CTDSPL: variants seen among roughly 807,000 people sequenced by gnomAD.
The protein encoded by CTDSPL is CTD small phosphatase-like protein.
CTDSPL carries 8 observed loss-of-function variants against 30.5 expected under a neutral mutation model. The observed-to-expected ratio is 0.26, with a 90% CI of 0.15 to 0.47. The LOEUF (loss-of-function observed/expected upper bound fraction) is 0.47. Among genes scored for constraint, CTDSPL ranks in the 20% least tolerant of loss-of-function variants. The pLI is 0.99. For synonymous variants in CTDSPL, 110 were observed against 137.9 expected (o/e 0.80, Z 1.42); for missense variants, 248 against 366.1 (o/e 0.68, Z 2.63).
chr3:37,970,732 C>T (rs1291115517), intron 5 of CTDSPL, among the ~76,000 whole-genome samples: 1 of 152,220 alleles, frequency 6.6e-6, no homozygotes, highest in Non-Finnish European at 1.5e-5. Context: ...AAAGGCTACT[C>T]TTTGCACCCC....
chr3:37,891,196 C>G lies in CTDSPL; in HGVS notation c.79+28918C>G, dbSNP rs1194928319. Among the ~76,000 whole-genome samples, 3 of 152,162 alleles carry G rather than the reference C, an allele frequency of 2.0e-5. No individual in the cohort carries two copies. The East Asian group carries it at 5.8e-4, about 29-fold the overall frequency. On this transcript the variant is annotated intron_variant, in intron 1 of 7. Coordinates refer to ENST00000273179, the MANE Select transcript of CTDSPL (RefSeq NM_001008392.2). ...TTTCCTTCCATCCCTACCCGTTACC[C>G]AGGGAGTGACCTTTCCATACATCAC...
intron 1 of CTDSPL, among the ~76,000 whole-genome samples, chr3:37,887,002 T>C (rs79754379): frequency 0.024 from 3,706 of 152,244 alleles, 119 homozygotes; most frequent in South Asian, 0.079. Flanking sequence ...ACTGATATCA[T>C]CCCTGTGGAC....
rs886982909 is a variant in CTDSPL at position 37,872,653 on chromosome 3, C to T, written c.79+10375C>T. Among the ~76,000 whole-genome samples, 8 of 144,924 alleles carry T rather than the reference C, an allele frequency of 5.5e-5. No individual in the cohort carries two copies. The South Asian group carries it at 1.8e-3, about 32-fold the overall frequency. On this transcript the variant is annotated intron_variant, in intron 1 of 7. Coordinates refer to ENST00000273179, the MANE Select transcript of CTDSPL (RefSeq NM_001008392.2). ...GAAGTGGTGCAATCTCAGCTAACTG[C>T]AACCTCCACCTCCCAGATTCAAGTG... is the stretch of plus-strand genomic sequence containing the variant.
rs928613483 is a variant in CTDSPL, at chr3:37,872,485, G to A, written c.79+10207G>A. On this transcript the variant is annotated intron_variant, in intron 1 of 7. Coordinates refer to ENST00000273179, the MANE Select transcript of CTDSPL (RefSeq NM_001008392.2). ...CTGACATGCCCCCATCAGGAAAGAA[G>A]CACTGCCTTGTTAATGTCAGGTGGA... Among the ~76,000 whole-genome samples the A allele has an allele frequency of 3.5e-5, 5 of 144,622 alleles. No individual in the cohort carries two copies. The South Asian group carries it at 1.1e-3, about 33-fold the overall frequency. The allele number at this position is 144,622 out of a possible 152,430, so 94.9% of individuals were successfully genotyped here. A position where few individuals can be genotyped will look rare whatever the true frequency, so the allele number is the denominator to read the frequency against.
chr3:37,918,570 A>T (rs1426789894), intron 1 of CTDSPL, among the ~76,000 whole-genome samples: 1 of 152,174 alleles, frequency 6.6e-6, no homozygotes, highest in East Asian at 1.9e-4. Flanking sequence ...TTCTATGTTC[A>T]TATTAATCGG....
chr3:37,909,604 T>C (rs1002110028), intron 1 of CTDSPL, among the ~76,000 whole-genome samples: 2 of 152,244 alleles, frequency 1.3e-5, no homozygotes, highest in African/African-American at 4.8e-5. Context: ...CTTCCTGTTT[T>C]TCCCAGTGTG....
chr3:37,947,214 C>G lies in CTDSPL; in HGVS notation c.234+3C>G. On this transcript the variant is annotated splice_donor_region_variant and intron_variant, in intron 2 of 7. Transcript: ENST00000273179. The stretch of plus-strand genomic sequence containing the variant: ...AGGAGAATGGTGGGCTTCAGAAGGT[C>G]AGTACTGGTGAGGAACTGTGCCCTC... 1.9e-6 allele frequency: 3 copies of G among 1,611,314 alleles called. No individual in the cohort carries two copies. The highest frequency in any genetic ancestry group is 2.5e-6 in the Non-Finnish European group (3 of 1,179,594).
At chr3:37,968,119 C>A in intron 5 of CTDSPL, 1 of 485,932 alleles carries the variant, frequency 2.1e-6, no homozygotes. Context: ...TCAAATAGTT[C>A]TTTGATTTGA....
At chr3:37,883,932 T>C (rs1315513131) in intron 1 of CTDSPL, among the ~76,000 whole-genome samples, 1 of 152,212 alleles carries the variant, frequency 6.6e-6, no homozygotes, top group African/African-American at 2.4e-5. Flanking sequence ...AGTGTCTTCT[T>C]TTTCATTCTT....
chr3:37,890,438 TAG>T (rs1250551868), intron 1 of CTDSPL, among the ~76,000 whole-genome samples: 1 of 151,944 alleles, frequency 6.6e-6, no homozygotes, highest in Non-Finnish European at 1.5e-5. Context: ...AAGGATAAAA[TAG>T]AGAAATCAAG....
At chr3:37,961,275 C>T (rs1372466281) in intron 3 of CTDSPL, among the ~76,000 whole-genome samples, 1 of 152,124 alleles carries the variant, frequency 6.6e-6, no homozygotes, top group Non-Finnish European at 1.5e-5. Flanking sequence ...TTAGGGCCTT[C>T]CTTAGTGGGA....
chr3:37,963,695 A>G (rs777561246), intron 3 of CTDSPL, among the ~76,000 whole-genome samples: 8 of 152,200 alleles, frequency 5.3e-5, no homozygotes, highest in Admixed American at 4.6e-4. Flanking sequence ...TTGGCCAGAG[A>G]TACCTAGCAT....
chr3:37,944,860 T>A (rs1341947398), intron 1 of CTDSPL: 1 of 150,578 alleles, frequency 6.6e-6, no homozygotes, highest in Non-Finnish European at 1.5e-5. Flanking sequence ...TTCAGATAAC[T>A]AATTTACTGA....
At chr3:37,964,730 G>T in intron 4 of CTDSPL, 58 bp downstream of exon 4, 1 of 1,324,682 alleles carries the variant, frequency 7.5e-7, no homozygotes. Flanking sequence ...AATTGTATTG[G>T]AAAAGGGAAA....
chr3:37,983,876 G>A lies in CTDSPL; in HGVS notation c.*3009G>A, dbSNP rs114207812. 2.5e-3 allele frequency: 446 copies of A among 177,730 alleles called. 5 individuals carry two copies. The highest frequency in any genetic ancestry group is 8.4e-3 in the African/African-American group (362 of 43,006). The allele number at this position is 177,730 out of a possible 1,614,324, so 11.0% of individuals were successfully genotyped here. Reference sequence around the variant, plus strand: ...GGTGAGGAAGCTCCTTTGACGTGGTGCAATTTTGATGAGATGTCTCTGGGG... The same window carrying A: ...GGTGAGGAAGCTCCTTTGACGTGGTACAATTTTGATGAGATGTCTCTGGGG... On this transcript the variant is annotated 3_prime_UTR_variant, in exon 8 of 8. Transcript: ENST00000273179.
At chr3:37,957,015 A>T in intron 2 of CTDSPL, 96 bp from the exon 3 acceptor site, 2 of 973,544 alleles carry the variant, frequency 2.1e-6, no homozygotes, top group South Asian at 1.4e-5. Context: ...ATGGCAGATC[A>T]TGCAGCTGCT....
chr3:37,943,145 C>T (rs1158869151), intron 1 of CTDSPL, among the ~76,000 whole-genome samples: 1 of 150,126 alleles, frequency 6.7e-6, no homozygotes, highest in East Asian at 1.9e-4. Flanking sequence ...TATGCTGAGT[C>T]GAGGCATCCA....
At chr3:37,916,813 C>T (rs1698655059) in intron 1 of CTDSPL, among the ~76,000 whole-genome samples, 1 of 152,120 alleles carries the variant, frequency 6.6e-6, no homozygotes. Context: ...CCCATAATCC[C>T]CTTGTTTGTT....
At chr3:37,943,329 G>T (rs1698998161) in intron 1 of CTDSPL, among the ~76,000 whole-genome samples, 1 of 150,080 alleles carries the variant, frequency 6.7e-6, no homozygotes, top group Non-Finnish European at 1.5e-5. Flanking sequence ...AGAGCAGGAT[G>T]CTCTGAGAAG....
Sources: allele counts gnomAD v4.1 joint callset (sites outside exome capture counted in the v4.1 genomes callset), GRCh38; gene constraint gnomAD v4.1.1; transcripts MANE v1.5; gene names NCBI Gene and HGNC (gene_info 2026-07-23, HGNC 2026-07-21).